NHSL1: variants seen among roughly 807,000 people sequenced by gnomAD.
NHSL1 encodes the protein NHS-like protein 1.
Under a neutral mutation model 95.0 loss-of-function variants are expected in NHSL1, and 48 were observed. The observed-to-expected ratio is 0.51, with a 90% CI of 0.40 to 0.64. The LOEUF (loss-of-function observed/expected upper bound fraction) is 0.64, where lower values mean the gene tolerates loss of function less well. NHSL1 is among the 30% of genes least tolerant of loss of function. The probability of loss-of-function intolerance (pLI) is 0.00; values close to 1 mark genes in which losing one functional copy is unlikely to be tolerated. For synonymous variants in NHSL1, 783 were observed against 833.9 expected, an observed-to-expected ratio of 0.94 and a Z score of 1.05; for missense variants, 1,971 against 2,077.7, an observed-to-expected ratio of 0.95 and a Z score of 1.00.
At position 138,430,518 on chromosome 6, in the gene NHSL1, A is replaced by T; in HGVS notation, c.3827T>A (p.Val1276Glu). The T allele has an allele frequency of 6.4e-7, 1 of 1,551,228 alleles. No homozygotes were observed. The highest frequency in any genetic ancestry group is 8.7e-7 in the Non-Finnish European group (1 of 1,146,838). Residue 1276 changes from valine (V) to glutamate (E), a missense_variant, in exon 6 of 8, where the codon GTG becomes GAG. By Grantham distance (121) the Val-to-Glu change is moderately radical. This residue lies in a region of NHSL1 where 1,602 missense variants were observed against 1,654.5 expected (regional missense o/e 0.97). Coordinates refer to ENST00000343505, the MANE Select transcript of NHSL1 (RefSeq NM_001144060.2). The surrounding 1 kb of genome is among the most constrained non-coding windows in gnomAD (Gnocchi z 4.7). ...CTGAACCATGGGGACATTGGCTTCC[A>T]CTCTGCTGGGAGACATGGATCCTGC... ...GAAGSMSPSR[V>E]EANVPMVQPD...
At chr6:138,566,720 A>G (rs899048717) in intron 1 of NHSL1, among the ~76,000 whole-genome samples, 1 of 151,932 alleles carries the variant, frequency 6.6e-6, no homozygotes, top group Non-Finnish European at 1.5e-5. Flanking sequence ...ATTTGCAAAT[A>G]AAGACATATT....
chr6:138,467,001 C>G (rs112737293), intron 3 of NHSL1, among the ~76,000 whole-genome samples: 40,735 of 151,478 alleles, frequency 0.27, 6,426 homozygotes, highest in African/African-American at 0.41. Flanking sequence ...CTCCAGCCTG[C>G]GTGACAAGAG....
chr6:138,625,017 T>C (rs1784717084), intron 1 of NHSL1, among the ~76,000 whole-genome samples: 1 of 152,056 alleles, frequency 6.6e-6, no homozygotes, highest in Non-Finnish European at 1.5e-5. Context: ...ATATTCTGTC[T>C]TAATATAAAA....
chr6:138,469,126 G>A (rs926390412), intron 3 of NHSL1, among the ~76,000 whole-genome samples: 5 of 152,164 alleles, frequency 3.3e-5, no homozygotes, highest in African/African-American at 1.2e-4. Context: ...CAGTGACCTA[G>A]TGAATGGCAG....
chr6:138,505,390 T>C (rs1780905624), intron 1 of NHSL1, among the ~76,000 whole-genome samples: 1 of 152,188 alleles, frequency 6.6e-6, no homozygotes, highest in African/African-American at 2.4e-5. Flanking sequence ...GCATGGTGAC[T>C]CATGCCTGTA....
chr6:138,541,596 A>T (rs566045237), intron 1 of NHSL1, among the ~76,000 whole-genome samples: 53 of 150,528 alleles, frequency 3.5e-4, no homozygotes, highest in African/African-American at 1.2e-3. Flanking sequence ...TGAAAGACTG[A>T]GTCATCCAAC....
intron 1 of NHSL1, among the ~76,000 whole-genome samples, chr6:138,659,253 TTGGCCAGGC>T (rs1346553844): frequency 6.6e-6 from 1 of 152,028 alleles, no homozygotes; most frequent in African/African-American, 2.4e-5. Context: ...TTTCACCATG[TTGGCCAGGC>T]TGGTCTCGAA....
chr6:138,531,551 C>T lies in NHSL1; in HGVS notation c.16+14072G>A, dbSNP rs189691647. On this transcript the variant is annotated intron_variant, in intron 1 of 4. Coordinates refer to the NHSL1 transcript ENST00000342260. ...TTTTTTTTCCTGAAACAGGGTCTTG[C>T]TCTGTTGCCCAGGCTGGAGTGCAGT... Among the ~76,000 whole-genome samples, 24 of 150,514 alleles carry T rather than the reference C, an allele frequency of 1.6e-4. No homozygotes were observed. In the East Asian group the frequency reaches 4.7e-3, roughly 29 times the overall value.
chr6:138,494,320 A>G (rs1296401111), intron 2 of NHSL1, among the ~76,000 whole-genome samples: 1 of 152,238 alleles, frequency 6.6e-6, no homozygotes, highest in African/African-American at 2.4e-5. Context: ...TGTTAAAGGC[A>G]GTATAGTGTA....
chr6:138,603,375 C>T (rs986169474), intron 1 of NHSL1, among the ~76,000 whole-genome samples: 2 of 152,030 alleles, frequency 1.3e-5, no homozygotes, highest in African/African-American at 4.8e-5. Context: ...TTAAAAACAC[C>T]ACCACACACA....
At chr6:138,650,352 AGCCC>A in intron 1 of NHSL1, 1 of 1,096,384 alleles carries the variant, frequency 9.1e-7, no homozygotes, top group Non-Finnish European at 1.4e-6. Context: ...GTAACGGGGG[AGCCC>A]AGCCTGCAGC....
chr6:138,618,929 A>G (rs997055579), intron 1 of NHSL1, among the ~76,000 whole-genome samples: 5 of 152,226 alleles, frequency 3.3e-5, no homozygotes, highest in African/African-American at 9.6e-5. Flanking sequence ...CATTTGCCTC[A>G]GCCCCTGGGG....
At chr6:138,645,556 G>A (rs1445758562) in intron 1 of NHSL1, among the ~76,000 whole-genome samples, 1 of 147,070 alleles carries the variant, frequency 6.8e-6, no homozygotes, top group Admixed American at 6.8e-5. Flanking sequence ...TGCCCAGGCT[G>A]GAGTGCAGCA....
chr6:138,545,522 G>A (rs1264858403), intron 1 of NHSL1: 3 of 897,308 alleles, frequency 3.3e-6, no homozygotes, highest in South Asian at 1.4e-5. Context: ...CTCAAACTTT[G>A]ATTTTTACTG....
chr6:138,466,035 C>CTTAAGAAA, intron 3 of NHSL1, among the ~76,000 whole-genome samples: 1 of 114,254 alleles, frequency 8.8e-6, no homozygotes, highest in Non-Finnish European at 1.8e-5. Context: ...CACATACACT[C>CTTAAGAAA]CTTTTTGGGG....
At chr6:138,615,096 C>T (rs1784561652) in intron 1 of NHSL1, among the ~76,000 whole-genome samples, 2 of 152,134 alleles carry the variant, frequency 1.3e-5, no homozygotes, top group Non-Finnish European at 2.9e-5. Flanking sequence ...CCAGTCCTCC[C>T]CAGGTCTCGG....
intron 1 of NHSL1, among the ~76,000 whole-genome samples, chr6:138,606,350 T>C (rs1216989017): frequency 2.0e-5 from 3 of 152,188 alleles, no homozygotes; most frequent in African/African-American, 7.2e-5. Context: ...CATTTCAAAA[T>C]AACAAAATGA....
intron 1 of NHSL1, among the ~76,000 whole-genome samples, chr6:138,685,169 T>C (rs1785569813): frequency 6.6e-6 from 1 of 152,212 alleles, no homozygotes; most frequent in African/African-American, 2.4e-5. Context: ...AAAATGTTAA[T>C]ATTAGGGTTT....
intron 1 of NHSL1, among the ~76,000 whole-genome samples, chr6:138,591,697 G>A (rs978412606): frequency 1.3e-5 from 2 of 152,136 alleles, no homozygotes; most frequent in African/African-American, 4.8e-5. Flanking sequence ...CTCCCAACAT[G>A]CTGGGATTAC....
Sources: gnomAD v4.1 joint callset for allele counts (sites outside exome capture counted in the v4.1 genomes callset) on GRCh38, gnomAD v4.1.1 for gene constraint, gnomAD v4.1.1 regional missense constraint, Gnocchi (gnomAD v3.1) non-coding constraint, MANE v1.5 for transcripts, NCBI Gene and HGNC (gene_info 2026-07-23, HGNC 2026-07-21) for gene names.